Variants in ECI1 observed in about 807,000 individuals in gnomAD.
ECI1 encodes enoyl-CoA delta isomerase 1, mitochondrial.
A neutral mutation model predicts 34.2 loss-of-function variants in ECI1; 34 were observed. The observed-to-expected ratio is 1.00, with a 90% CI of 0.76 to 1.33. The LOEUF (loss-of-function observed/expected upper bound fraction) is 1.33, where lower values mean the gene tolerates loss of function less well. ECI1 is among the 40% of genes most tolerant of loss of function. ECI1 has a pLI of 0.00. For synonymous variants in ECI1, 211 were observed against 193.0 expected, an observed-to-expected ratio of 1.09 and a Z score of -0.77; for missense variants, 456 against 422.2, an observed-to-expected ratio of 1.08 and a Z score of -0.70.
At chr16:2,243,983 C>G (rs1405179083) in intron 4 of ECI1, among the ~76,000 whole-genome samples, 2 of 152,200 alleles carry the variant, frequency 1.3e-5, no homozygotes, top group Non-Finnish European at 2.9e-5. Context: ...CTCCGGCCCA[C>G]ACCCGGCTTG....
In ECI1 at chr16:2,244,224, C is replaced by T. The variant is rs369706352; in HGVS notation, c.441+182G>A. ...ATTGACCCAGGCCAGGGCCCTCACC[C>T]GAGGCCCACCTTTCTCAACACGCCC... On this transcript the variant is annotated intron_variant, in intron 4 of 6. Coordinates refer to ENST00000301729, the MANE Select transcript of ECI1 (RefSeq NM_001919.4). The T allele has an allele frequency of 9.5e-4, 696 of 731,488 alleles. 8 individuals are homozygous for T. In the South Asian group the frequency reaches 0.011, roughly 12 times the overall value. 45.3% of individuals were successfully genotyped at this position (731,488 alleles called of 1,614,324 possible). A position where few individuals can be genotyped will look rare whatever the true frequency, so the allele number is the denominator to read the frequency against.
intron 2 of ECI1, among the ~76,000 whole-genome samples, chr16:2,251,100 G>A (rs1400279990): frequency 2.6e-5 from 4 of 152,238 alleles, no homozygotes; most frequent in Non-Finnish European, 4.4e-5. Flanking sequence ...GATTACAGGC[G>A]TGAGCCACCG....
At chr16:2,245,786 G>A (rs999846555) in intron 3 of ECI1, among the ~76,000 whole-genome samples, 6 of 152,196 alleles carry the variant, frequency 3.9e-5, no homozygotes, top group Admixed American at 6.5e-5. Context: ...GCCGAGGTGG[G>A]AGGAGTGCTT....
At chr16:2,245,403 G>A (rs2141502408) in intron 3 of ECI1, among the ~76,000 whole-genome samples, 1 of 152,344 alleles carries the variant, frequency 6.6e-6, no homozygotes, top group South Asian at 2.1e-4. Context: ...GCGAGGAGGA[G>A]GCGGCTGGGA....
intron 3 of ECI1, among the ~76,000 whole-genome samples, chr16:2,244,998 A>C (rs1441745280): frequency 6.6e-6 from 1 of 152,148 alleles, no homozygotes; most frequent in African/African-American, 2.4e-5. Context: ...GGGTGGGAGA[A>C]TGATCTGGAA....
chr16:2,248,881 G>C (rs1355346009), intron 2 of ECI1, among the ~76,000 whole-genome samples: 2 of 152,114 alleles, frequency 1.3e-5, no homozygotes, highest in Non-Finnish European at 2.9e-5. Context: ...GCCCCTGGAA[G>C]CCGCCAGTCT....
chr16:2,244,465 C>G lies in ECI1; in HGVS notation c.382G>C (p.Val128Leu), dbSNP rs200130130. Residue 128 changes from valine to leucine, a missense_variant, in exon 4 of 7, where the codon GTT becomes CTT. Physicochemically the swap from Val to Leu is conservative, Grantham distance 32. Transcript: ENST00000301729. ...PAHYAGYWKA[V>L]QELWLRLYQS... Reference sequence around the variant, plus strand: ...TACAACCGCAGCCACAGCTCCTGAACGGCCTTCCAGTACCCAGCGTAGTGG... The same window carrying G: ...TACAACCGCAGCCACAGCTCCTGAAGGGCCTTCCAGTACCCAGCGTAGTGG... The G allele has an allele frequency of 1.9e-6, 3 of 1,612,040 alleles. No individual in the cohort carries two copies. The African/African-American group carries it at 4.0e-5, about 21-fold the overall frequency.
intron 2 of ECI1, among the ~76,000 whole-genome samples, chr16:2,251,001 G>A (rs1207411156): frequency 6.6e-6 from 1 of 152,040 alleles, no homozygotes; most frequent in Non-Finnish European, 1.5e-5. Flanking sequence ...GTATTTTTCA[G>A]TACAGATAGG....
chr16:2,249,876 CAAAAA>C (rs869259386), intron 2 of ECI1, among the ~76,000 whole-genome samples: 36 of 20,336 alleles, frequency 1.8e-3, no homozygotes, highest in Non-Finnish European at 2.4e-3. Context: ...GACTCCGTCT[CAAAAA>C]AAAAAAAAAA....
At chr16:2,244,353 C>T (rs1334969560) in intron 4 of ECI1, 53 bp downstream of exon 4, 5 of 1,588,606 alleles carry the variant, frequency 3.1e-6, no homozygotes, top group Non-Finnish European at 4.3e-6. Context: ...GTCCCACCCC[C>T]TGGCGCTGGC....
chr16:2,245,780 A>C (rs556087486), intron 3 of ECI1, among the ~76,000 whole-genome samples: 97 of 152,296 alleles, frequency 6.4e-4, no homozygotes, highest in South Asian at 2.3e-3. Flanking sequence ...TGGGGAGCCG[A>C]GGTGGGAGGA....
At chr16:2,242,442 A>G (rs1032102182) in intron 6 of ECI1, 6 of 158,174 alleles carry the variant, frequency 3.8e-5, no homozygotes, top group African/African-American at 1.4e-4. Flanking sequence ...GGTCTATACC[A>G]TCGCTGATAT....
chr16:2,251,554 C>G lies in ECI1; in HGVS notation c.13G>C (p.Ala5Pro), dbSNP rs959113454. 6.4e-7 allele frequency: 1 copy of G among 1,558,720 alleles called. No homozygotes were observed. The highest frequency in any genetic ancestry group is 1.4e-5 in the African/African-American group (1 of 73,414). ...ACGCGCGCCGGGACTCGCACAGAAG[C>G]CACCAGCGCCATCTTGACCGCAACG... MALV[A>P]SVRVPARVLL... The change falls in exon 1 of 7, where the codon GCT (alanine) becomes CCT (proline). Residue 5 changes from alanine to proline, a missense_variant. Coordinates refer to ENST00000301729, the MANE Select transcript of ECI1 (RefSeq NM_001919.4).
rs1028054979 is a variant in ECI1, at chr16:2,241,406, C to T, written c.743-1261G>A. On this transcript the variant is annotated intron_variant, in intron 6 of 6. Coordinates refer to ENST00000301729, the MANE Select transcript of ECI1 (RefSeq NM_001919.4). ...CGCCTCCCAGGTTCAAGTGATTCTC[C>T]GGCCTCAGCCTTCCCAAGTAGCTGG... 3.9e-5 allele frequency among the ~76,000 whole-genome samples: 6 copies of T among 151,944 alleles called. No homozygotes were observed. In the South Asian group the frequency reaches 1.0e-3, roughly 26 times the overall value.
chr16:2,240,416 G>A, intron 6 of ECI1: 1 of 410,256 alleles, frequency 2.4e-6, no homozygotes, highest in East Asian at 5.3e-5. Context: ...TCCTCATGTT[G>A]GCCAGGCTGG....
chr16:2,245,289 T>C (rs151238904), intron 3 of ECI1, among the ~76,000 whole-genome samples: 2 of 152,204 alleles, frequency 1.3e-5, no homozygotes, highest in African/African-American at 4.8e-5. Flanking sequence ...GGTGAACTTG[T>C]TCCTGCAGCT....
rs1334737735 is a variant in ECI1 at position 2,251,558 on chromosome 16, C to A, written c.9G>T (p.Leu3=). Reference sequence around the variant, plus strand: ...GCGCCGGGACTCGCACAGAAGCCACCAGCGCCATCTTGACCGCAACGCGCG... The same window carrying A: ...GCGCCGGGACTCGCACAGAAGCCACAAGCGCCATCTTGACCGCAACGCGCG... MA[L]VASVRVPARV... is the part of the protein sequence containing the mutation. The change falls in exon 1 of 7, where the codon CTG becomes CTT. Residue 3 remains leucine, a synonymous_variant. Coordinates refer to ENST00000301729, the MANE Select transcript of ECI1 (RefSeq NM_001919.4). 6.4e-7 allele frequency: 1 copy of A among 1,558,484 alleles called. No homozygotes were observed. The highest frequency in any genetic ancestry group is 1.7e-4 in the Middle Eastern group (1 of 5,828).
intron 3 of ECI1, among the ~76,000 whole-genome samples, chr16:2,246,282 C>G (rs971499112): frequency 6.6e-6 from 1 of 152,206 alleles, no homozygotes; most frequent in African/African-American, 2.4e-5. Flanking sequence ...CTTGAGAACT[C>G]GCCCTGAAGA....
chr16:2,250,034 T>C (rs1213404812), intron 2 of ECI1, among the ~76,000 whole-genome samples: 18 of 150,242 alleles, frequency 1.2e-4, no homozygotes, highest in African/African-American at 4.1e-4. Flanking sequence ...ATAATAATTT[T>C]TTTTTTTGCA....
Sources: allele counts gnomAD v4.1 joint callset (sites outside exome capture counted in the v4.1 genomes callset), GRCh38; gene constraint gnomAD v4.1.1; transcripts MANE v1.5; gene names NCBI Gene and HGNC (gene_info 2026-07-23, HGNC 2026-07-21).